STYXL2: variants seen among roughly 807,000 people sequenced by gnomAD.
STYXL2 encodes serine/threonine/tyrosine-interacting-like protein 2.
In STYXL2, 44 loss-of-function variants were observed where a neutral mutation model predicts 52.4. The observed-to-expected ratio is 0.84, with a 90% CI of 0.66 to 1.08. STYXL2 has a LOEUF of 1.08. STYXL2 is among the 50% of genes least tolerant of loss of function. STYXL2 has a pLI of 0.00. For missense variants in STYXL2, 1,604 were observed against 1,471.7 expected, an observed-to-expected ratio of 1.09 and a Z score of -1.47; for synonymous variants, 604 against 586.9, an observed-to-expected ratio of 1.03 and a Z score of -0.42.
At chr1:167,103,469 G>C (rs1667442853) in intron 2 of STYXL2, among the ~76,000 whole-genome samples, 1 of 152,132 alleles carries the variant, frequency 6.6e-6, no homozygotes, top group Non-Finnish European at 1.5e-5. Context: ...CCTGCTTGCT[G>C]TCCTGGCAGG....
At chr1:167,105,419 C>G (rs1221291965) in intron 2 of STYXL2, among the ~76,000 whole-genome samples, 1 of 152,104 alleles carries the variant, frequency 6.6e-6, no homozygotes. Flanking sequence ...ATCCTAGGTC[C>G]TTTTTTTCCC....
At chr1:167,105,688 C>A (rs1213043035) in intron 2 of STYXL2, among the ~76,000 whole-genome samples, 2 of 152,204 alleles carry the variant, frequency 1.3e-5, no homozygotes, top group Non-Finnish European at 2.9e-5. Context: ...CCACACCTTT[C>A]TTTATTAGAC....
At chr1:167,098,527 C>G (rs1304400352) in intron 2 of STYXL2, among the ~76,000 whole-genome samples, 2 of 152,124 alleles carry the variant, frequency 1.3e-5, no homozygotes, top group Non-Finnish European at 2.9e-5. Flanking sequence ...AAAATTTATA[C>G]TACACTGTTT....
At chr1:167,099,420 C>T (rs536219721) in intron 2 of STYXL2, among the ~76,000 whole-genome samples, 1 of 152,272 alleles carries the variant, frequency 6.6e-6, no homozygotes, top group East Asian at 1.9e-4. Flanking sequence ...ACACATGGAG[C>T]ATTTGTCAAA....
In STYXL2 at chr1:167,126,119, G is replaced by T; in HGVS notation, c.988G>T (p.Gly330Trp). Residue 330 changes from glycine to tryptophan, a missense_variant, in exon 6 of 6, where the codon GGG (glycine) becomes TGG (tryptophan). Transcript: ENST00000361200. ...SASHLSGSSL[G>W]KATQASKPLT... ...CAGCCACCTGAGTGGCTCCTCCCTG[G>T]GGAAGGCCACCCAGGCCTCCAAGCC... 6.6e-7 allele frequency: 1 copy of T among 1,513,028 alleles called. No homozygotes were observed. The highest frequency in any genetic ancestry group is 8.8e-7 in the Non-Finnish European group (1 of 1,133,582). 93.7% of individuals were successfully genotyped at this position (1,513,028 alleles called of 1,614,324 possible).
intron 3 of STYXL2, among the ~76,000 whole-genome samples, chr1:167,115,521 A>C (rs1320203341): frequency 6.6e-6 from 1 of 152,178 alleles, no homozygotes; most frequent in Non-Finnish European, 1.5e-5. Flanking sequence ...TTAAATTGAA[A>C]AGAAAAGAAA....
rs1341505580 is a variant in STYXL2, at chr1:167,127,983, A to G, written c.2852A>G (p.Gln951Arg). 1 of 1,614,214 alleles carries G rather than the reference A, an allele frequency of 6.2e-7. No individual in the cohort carries two copies. Among genetic ancestry groups the G allele is most frequent in the South Asian group, 1.1e-5 (1 of 91,088 alleles). Residue 951 changes from glutamine (Q) to arginine (R), a missense_variant, in exon 6 of 6, where the codon CAA (glutamine) becomes CGA (arginine). Transcript: ENST00000361200. ...GLRTEEKPPF[Q>R]SDWSGSSRGK... ...AGGACGGAGGAAAAACCTCCTTTCC[A>G]AAGTGACTGGTCTGGAAGTTCCAGA...
intron 5 of STYXL2, among the ~76,000 whole-genome samples, chr1:167,122,141 G>A (rs1667870010): frequency 6.6e-6 from 1 of 152,092 alleles, no homozygotes; most frequent in African/African-American, 2.4e-5. Flanking sequence ...ACTTTGTATG[G>A]TGCACGGTGT....
chr1:167,103,068 T>C (rs948667491), intron 2 of STYXL2, among the ~76,000 whole-genome samples: 2 of 148,326 alleles, frequency 1.3e-5, no homozygotes, highest in Non-Finnish European at 3.0e-5. Flanking sequence ...TGTCTCTTGC[T>C]CGTTTCTGTT....
At chr1:167,118,519 T>C (rs10918631) in intron 4 of STYXL2, among the ~76,000 whole-genome samples, 12,355 of 152,298 alleles carry the variant, frequency 0.081, 595 homozygotes, top group East Asian at 0.17. Context: ...GATCTTTAAA[T>C]AGATCTTCAG....
intron 2 of STYXL2, among the ~76,000 whole-genome samples, chr1:167,099,083 A>G (rs921526003): frequency 6.6e-6 from 1 of 152,182 alleles, no homozygotes. Context: ...ACAAAAAGAG[A>G]CACTTCATAA....
At chr1:167,096,938 G>A (rs900264906) in intron 2 of STYXL2, among the ~76,000 whole-genome samples, 2 of 152,106 alleles carry the variant, frequency 1.3e-5, no homozygotes, top group African/African-American at 4.8e-5. Context: ...CTGTCCCTCA[G>A]GCCTGAATGC....
intron 3 of STYXL2, among the ~76,000 whole-genome samples, chr1:167,115,745 A>G (rs1378607596): frequency 6.6e-6 from 1 of 152,206 alleles, no homozygotes; most frequent in Non-Finnish European, 1.5e-5. Flanking sequence ...TCTATTTTTA[A>G]ACAAAATAGA....
At chr1:167,113,870 C>A in intron 3 of STYXL2, 66 bp downstream of exon 3, 1 of 1,262,904 alleles carries the variant, frequency 7.9e-7, no homozygotes, top group Non-Finnish European at 1.2e-6. Context: ...TAGAGGGGGG[C>A]CATTGGAAGA....
In STYXL2 at chr1:167,126,393, G is replaced by C; in HGVS notation, c.1262G>C (p.Ser421Thr). 4.5e-6 allele frequency: 7 copies of C among 1,554,880 alleles called. No individual in the cohort carries two copies. Among genetic ancestry groups the C allele is most frequent in the Non-Finnish European group, 6.1e-6 (7 of 1,149,272 alleles). ...AGGGAGGAGGAGAAGGAGGAGGAGA[G>C]CGACGCTGGCTCCTCGGTGGGGAGG... is the stretch of plus-strand genomic sequence containing the variant. The part of the protein sequence containing the change: ...WGREEEKEEE[S>T]DAGSSVGRRR... Residue 421 changes from serine to threonine, a missense_variant, in exon 6 of 6, where the codon AGC (serine) becomes ACC (threonine). Physicochemically the swap from Ser to Thr is moderately conservative, Grantham distance 58. Transcript: ENST00000361200.
Position 167,128,025 on chromosome 1 carries a change from C to A in STYXL2, c.2894C>A (p.Ser965Ter), listed in dbSNP as rs147653213. Residue 965 changes from serine (S) to a stop codon, truncating the protein, a stop_gained, in exon 6 of 6, where the codon TCG becomes TAG. Transcript: ENST00000361200. LOFTEE classifies it high-confidence loss of function. ...SGSSRGKYTR[S>*]SLLRETESKS... The stretch of plus-strand genomic sequence containing the variant: ...AGTTCCAGAGGGAAGTACACCAGAT[C>A]GTCCCTGCTCAGGGAGACAGAGTCT... 1 of 1,614,088 alleles carries A rather than the reference C, an allele frequency of 6.2e-7. No homozygotes were observed. Among genetic ancestry groups the A allele is most frequent in the Non-Finnish European group, 8.5e-7 (1 of 1,180,044 alleles).
At position 167,127,942 on chromosome 1, in the gene STYXL2, G is replaced by A; in HGVS notation, c.2811G>A (p.Lys937=). The change falls in exon 6 of 6, where the codon AAG becomes AAA. Residue 937 remains lysine (K), a synonymous_variant. Coordinates refer to ENST00000361200, the MANE Select transcript of STYXL2 (RefSeq NM_001080426.3). ...VGKEMDSSIN[K]WLSGLRTEEK... ...AAGAGATGGATAGCAGTATTAATAA[G>A]TGGCTCAGTGGCCTCAGGACGGAGG... The A allele has an allele frequency of 1.2e-6, 2 of 1,614,176 alleles. No homozygotes were observed. Among genetic ancestry groups the A allele is most frequent in the Non-Finnish European group, 1.7e-6 (2 of 1,180,012 alleles).
Position 167,126,516 on chromosome 1 carries a change from A to C in STYXL2, c.1385A>C (p.His462Pro). 6.2e-7 allele frequency: 1 copy of C among 1,612,970 alleles called. No individual in the cohort carries two copies. The highest frequency in any genetic ancestry group is 1.1e-5 in the South Asian group (1 of 90,922). The change falls in exon 6 of 6, where the codon CAC (histidine) becomes CCC (proline). Residue 462 changes from histidine to proline, a missense_variant. Coordinates refer to ENST00000361200, the MANE Select transcript of STYXL2 (RefSeq NM_001080426.3). Reference sequence around the variant, plus strand: ...CAGCTGGAGCTGAACCGCCCGGACCACGGCAGGAGGCGCCGCGCAGACTCG... The same window carrying C: ...CAGCTGGAGCTGAACCGCCCGGACCCCGGCAGGAGGCGCCGCGCAGACTCG... ...KQQLELNRPD[H>P]GRRRRADSMS... is the part of the protein sequence containing the mutation.
chr1:167,126,424 G>T lies in STYXL2; in HGVS notation c.1293G>T (p.Arg431=), dbSNP rs745699854. ...SDAGSSVGRR[R]RTLSESSAWE... is the part of the protein sequence containing the mutation. ...CTGGCTCCTCGGTGGGGAGGCGGCG[G>T]CGCACCCTGAGCGAGAGCAGCGCCT... is the stretch of plus-strand genomic sequence containing the variant. Residue 431 remains arginine, a synonymous_variant, in exon 6 of 6, where the codon CGG becomes CGT. Coordinates refer to ENST00000361200, the MANE Select transcript of STYXL2 (RefSeq NM_001080426.3). 3 of 1,563,520 alleles carry T rather than the reference G, an allele frequency of 1.9e-6. No homozygotes were observed. In the Admixed American group the frequency reaches 5.8e-5, roughly 30 times the overall value.
Sources: allele counts gnomAD v4.1 joint callset (sites outside exome capture counted in the v4.1 genomes callset), GRCh38; gene constraint gnomAD v4.1.1; transcripts MANE v1.5; gene names NCBI Gene and HGNC (gene_info 2026-07-23, HGNC 2026-07-21).